Variants in PAM observed in about 807,000 individuals in gnomAD.
The protein encoded by PAM is peptidylglycine alpha-amidating monooxygenase, also known as peptidyl-glycine alpha-amidating monooxygenase.
A neutral mutation model predicts 122.1 loss-of-function variants in PAM; 72 were observed. That is an observed-to-expected ratio of 0.59 (90% CI 0.49 to 0.72). PAM has a LOEUF of 0.72. PAM is among the 30% of genes least tolerant of loss of function. The pLI is 0.00. For synonymous variants in PAM, 389 were observed against 404.4 expected (o/e 0.96, Z 0.46); for missense variants, 1,106 against 1,183.7 (o/e 0.93, Z 0.96).
At chr5:103,027,012 A>G (rs80063638) in intron 24 of PAM, among the ~76,000 whole-genome samples, 1 of 152,322 alleles carries the variant, frequency 6.6e-6, no homozygotes, top group East Asian at 1.9e-4. Flanking sequence ...GTAGAACCCT[A>G]GAAAATTGCC....
chr5:102,884,073 CTGTT>C (rs1175909267), intron 3 of PAM, among the ~76,000 whole-genome samples: 1 of 151,660 alleles, frequency 6.6e-6, no homozygotes, highest in African/African-American at 2.4e-5. Context: ...ATACATGTGT[CTGTT>C]TGGTTATATA....
chr5:102,820,015 T>C lies in PAM; in HGVS notation c.-373-45808T>C, dbSNP rs536496525. Among the ~76,000 whole-genome samples the C allele has an allele frequency of 2.0e-4, 31 of 152,310 alleles. No individual in the cohort carries two copies. The South Asian group carries it at 4.6e-3, about 22-fold the overall frequency. ...CTTTAGCTGAAGGCATCAAATAATT[T>C]ATGCAAAAAATACATATATTTTTAT... is the stretch of plus-strand genomic sequence containing the variant. On this transcript the variant is annotated intron_variant, in intron 1 of 25. Transcript: ENST00000438793.
chr5:102,818,873 A>T (rs1770786707), intron 1 of PAM, among the ~76,000 whole-genome samples: 1 of 152,144 alleles, frequency 6.6e-6, no homozygotes, highest in Non-Finnish European at 1.5e-5. Context: ...TTCTTTTGTT[A>T]TGAATGCACA....
At chr5:102,994,057 G>T (rs568363301) in intron 16 of PAM, among the ~76,000 whole-genome samples, 1 of 152,066 alleles carries the variant, frequency 6.6e-6, no homozygotes, top group South Asian at 2.1e-4. Flanking sequence ...AAAAGGTAAG[G>T]TTTCATTATC....
At chr5:102,843,056 C>G (rs1561603389) in intron 1 of PAM, among the ~76,000 whole-genome samples, 1 of 152,170 alleles carries the variant, frequency 6.6e-6, no homozygotes, top group African/African-American at 2.4e-5. Context: ...AGTTCTACAG[C>G]TTGATCAGTG....
chr5:102,835,344 G>C (rs1286721666), intron 1 of PAM, among the ~76,000 whole-genome samples: 4 of 151,968 alleles, frequency 2.6e-5, no homozygotes, highest in Non-Finnish European at 4.4e-5. Flanking sequence ...AAGAGGTTTT[G>C]GGTACACTTA....
chr5:102,999,620 G>A (rs1235353132), intron 16 of PAM, among the ~76,000 whole-genome samples: 1 of 152,194 alleles, frequency 6.6e-6, no homozygotes, highest in Admixed American at 6.5e-5. Flanking sequence ...GGACCTCCAG[G>A]CATTTCCACA....
rs1761999890 is a variant in PAM, at chr5:102,960,059, G to A, written c.1090G>A (p.Glu364Lys). ...DMVMMHEHHK[E>K]TEYKDKIPLL... ...GGTTATGATGCATGAACATCATAAA[G>A]GTAATAATTGATGTTTAATATAAAG... The change falls in exon 13 of 26, where the codon GAA becomes AAA. Residue 364 changes from glutamate (E) to lysine (K), a missense_variant and splice_region_variant. By Grantham distance (56) the Glu-to-Lys change is moderately conservative. Transcript: ENST00000438793. 1 of 1,502,136 alleles carries A rather than the reference G, an allele frequency of 6.7e-7. No homozygotes were observed. Among genetic ancestry groups the A allele is most frequent in the African/African-American group, 1.4e-5 (1 of 72,034 alleles). The allele number at this position is 1,502,136 out of a possible 1,614,324, so 93.1% of individuals were successfully genotyped here.
intron 1 of PAM, among the ~76,000 whole-genome samples, chr5:102,844,609 G>A (rs1384674451): frequency 1.3e-5 from 2 of 152,106 alleles, no homozygotes; most frequent in East Asian, 3.9e-4. Flanking sequence ...CGAAGCTGCA[G>A]TGAGCTATGA....
At chr5:102,832,864 A>G (rs955696889) in intron 1 of PAM, among the ~76,000 whole-genome samples, 1 of 152,174 alleles carries the variant, frequency 6.6e-6, no homozygotes, top group Non-Finnish European at 1.5e-5. Context: ...ACAGGTTTTG[A>G]GGCAGACAGT....
chr5:102,967,809 A>T (rs1228784630), intron 14 of PAM, among the ~76,000 whole-genome samples: 1 of 141,652 alleles, frequency 7.1e-6, no homozygotes, highest in African/African-American at 2.7e-5. Context: ...TGCAACCTCC[A>T]CCTCCCAGAT....
At chr5:102,956,126 A>G (rs1760656650) in intron 12 of PAM, among the ~76,000 whole-genome samples, 1 of 152,122 alleles carries the variant, frequency 6.6e-6, no homozygotes, top group South Asian at 2.1e-4. Flanking sequence ...ATTATTTGAT[A>G]AAATTCAATT....
At chr5:102,887,186 C>G (rs1460908839) in intron 3 of PAM, among the ~76,000 whole-genome samples, 2 of 151,902 alleles carry the variant, frequency 1.3e-5, no homozygotes, top group African/African-American at 4.8e-5. Flanking sequence ...ATGTTTGGGC[C>G]GTGGAGGCAG....
chr5:102,934,142 A>T (rs970245557), intron 7 of PAM, among the ~76,000 whole-genome samples: 2 of 152,180 alleles, frequency 1.3e-5, no homozygotes, highest in African/African-American at 4.8e-5. Context: ...CTCCCTTGAA[A>T]TTGCAAACAT....
At chr5:103,010,170 A>G (rs1261998659) in intron 21 of PAM, among the ~76,000 whole-genome samples, 1 of 152,206 alleles carries the variant, frequency 6.6e-6, no homozygotes, top group Non-Finnish European at 1.5e-5. Flanking sequence ...TATAGTTAGA[A>G]TACAAAAAAT....
intron 3 of PAM, among the ~76,000 whole-genome samples, chr5:102,878,995 C>T (rs1313477388): frequency 6.6e-6 from 1 of 152,016 alleles, no homozygotes; most frequent in Non-Finnish European, 1.5e-5. Flanking sequence ...GTGGCAAGAT[C>T]TACGTTCACT....
At chr5:102,830,370 C>T (rs468501) in intron 1 of PAM, among the ~76,000 whole-genome samples, 105,286 of 151,938 alleles carry the variant, frequency 0.69, 36,743 homozygotes, top group South Asian at 0.81. Flanking sequence ...GCTTATTTCA[C>T]CACTGTACTG....
chr5:102,783,386 A>G (rs1367504814), intron 1 of PAM, among the ~76,000 whole-genome samples: 2 of 152,236 alleles, frequency 1.3e-5, no homozygotes, highest in African/African-American at 2.4e-5. Flanking sequence ...TCTGTCTTCA[A>G]TTTCAGTGAA....
At chr5:102,902,030 G>T (rs554678555) in intron 4 of PAM, among the ~76,000 whole-genome samples, 1 of 151,700 alleles carries the variant, frequency 6.6e-6, no homozygotes, top group African/African-American at 2.4e-5. Context: ...TTCCTTCTAG[G>T]TTGTTTCCAT....
Sources: allele counts gnomAD v4.1 joint callset (sites outside exome capture counted in the v4.1 genomes callset), GRCh38; gene constraint gnomAD v4.1.1; transcripts MANE v1.5; gene names NCBI Gene and HGNC (gene_info 2026-07-23, HGNC 2026-07-21).